TMC8: variants seen among roughly 807,000 people sequenced by gnomAD.
TMC8 encodes the protein transmembrane channel like 8.
TMC8 carries 71 observed loss-of-function variants against 76.0 expected under a neutral mutation model. That is an observed-to-expected ratio of 0.93 (90% CI 0.77 to 1.14). The LOEUF is 1.14. Among genes scored for constraint, TMC8 ranks in the 50% most tolerant of loss-of-function variants. TMC8 has a pLI of 0.00. For missense variants in TMC8, 924 were observed against 947.9 expected, an observed-to-expected ratio of 0.97 and a Z score of 0.33; for synonymous variants, 433 against 433.8, an observed-to-expected ratio of 1.00 and a Z score of 0.02.
In TMC8 at chr17:78,131,430, A is replaced by G. The variant is rs1270988595; in HGVS notation, c.-159A>G. The G allele has an allele frequency of 4.0e-6, 4 of 1,004,686 alleles. No homozygotes were observed. In the East Asian group the frequency reaches 1.0e-4, roughly 26 times the overall value. The allele number at this position is 1,004,686 out of a possible 1,614,324, so 62.2% of individuals were successfully genotyped here. A position where few individuals can be genotyped will look rare whatever the true frequency, so the allele number is the denominator to read the frequency against. ...GGCAAGTGAACCCTAGGGCTGCAGGAGCCCAGGCCCCGACGCCGGCGCAGA... is the reference window on the plus strand; with the variant it reads ...GGCAAGTGAACCCTAGGGCTGCAGGGGCCCAGGCCCCGACGCCGGCGCAGA... On this transcript the variant is annotated 5_prime_UTR_variant, in exon 2 of 16. Coordinates refer to ENST00000318430, the MANE Select transcript of TMC8 (RefSeq NM_152468.5).
intron 9 of TMC8, 124 bp from the exon 10 acceptor site, chr17:78,137,111 T>C: frequency 6.8e-7 from 1 of 1,469,082 alleles, no homozygotes; most frequent in Non-Finnish European, 9.2e-7. Flanking sequence ...CAGAGCAGGT[T>C]GGAAGGAGGC....
chr17:78,140,705 C>A (rs1003579077), intron 15 of TMC8, 129 bp from the exon 16 acceptor site: 3 of 1,287,930 alleles, frequency 2.3e-6, no homozygotes, highest in Non-Finnish European at 3.3e-6. Flanking sequence ...TGGCCTCGGG[C>A]GGGGCGTGGC....
At position 78,134,084 on chromosome 17, in the gene TMC8, TGCGA is replaced by T. The variant is rs2075137939; in HGVS notation, c.816+87_816+90del. On this transcript the variant is annotated intron_variant, in intron 7 of 15. Coordinates refer to ENST00000318430, the MANE Select transcript of TMC8 (RefSeq NM_152468.5). ...GTGAGAGCCACGTGTTCCAGGTGTGTGCGAGCAAGTGCGACCGTGCCAGTGTGTG... is the reference window on the plus strand; with the variant it reads ...GTGAGAGCCACGTGTTCCAGGTGTGTGCAAGTGCGACCGTGCCAGTGTGTG... 5 of 1,583,268 alleles carry T rather than the reference TGCGA, an allele frequency of 3.2e-6. No homozygotes were observed. In the South Asian group the frequency reaches 3.3e-5, roughly 11 times the overall value.
intron 15 of TMC8, among the ~76,000 whole-genome samples, chr17:78,139,728 T>TAAA (rs34917993): frequency 8.6e-4 from 54 of 62,746 alleles, no homozygotes; most frequent in African/African-American, 2.5e-3. Flanking sequence ...CGTCTCTACT[T>TAAA]AAAAAAAAAA....
intron 14 of TMC8, 33 bp from the exon 15 acceptor site, chr17:78,139,129 G>T: frequency 6.2e-7 from 1 of 1,612,672 alleles, no homozygotes. Context: ...TGGCCCCAGG[G>T]GCAACTGACC....
intron 4 of TMC8, 56 bp downstream of exon 4, chr17:78,132,564 G>C: frequency 6.4e-7 from 1 of 1,573,668 alleles, no homozygotes; most frequent in Non-Finnish European, 8.6e-7. Context: ...GCCATGGGGG[G>C]GCTGGCCCAG....
chr17:78,133,961 A>G lies in TMC8; in HGVS notation c.777A>G (p.Ala259=). The G allele has an allele frequency of 3.1e-6, 5 of 1,613,758 alleles. No homozygotes were observed. The highest frequency in any genetic ancestry group is 3.4e-6 in the Non-Finnish European group (4 of 1,180,044). ...SWDFCIRVQE[A]ATIKKHEISN... ...ACTTCTGCATCCGGGTGCAGGAAGC[A>G]GCCACCATCAAGAAGCATGAGATCA... is the stretch of plus-strand genomic sequence containing the variant. Residue 259 remains alanine (A), a synonymous_variant, in exon 7 of 16, where the codon GCA becomes GCG. Coordinates refer to ENST00000318430, the MANE Select transcript of TMC8 (RefSeq NM_152468.5).
chr17:78,139,858 C>A (rs770278939), intron 15 of TMC8, among the ~76,000 whole-genome samples: 6 of 151,624 alleles, frequency 4.0e-5, no homozygotes, highest in Non-Finnish European at 8.8e-5. Flanking sequence ...CATAGTGAAA[C>A]CCCGTCTGTA....
rs1226397114 is a variant in TMC8, at chr17:78,132,436, C to T, written c.376C>T (p.Leu126Phe). The T allele has an allele frequency of 2.5e-6, 4 of 1,612,710 alleles. No homozygotes were observed. In the Admixed American group the frequency reaches 6.7e-5, roughly 27 times the overall value. Residue 126 changes from leucine (L) to phenylalanine (F), a missense_variant, in exon 4 of 16, where the codon CTC becomes TTC. Physicochemically the swap from Leu to Phe is conservative, Grantham distance 22. Coordinates refer to ENST00000318430, the MANE Select transcript of TMC8 (RefSeq NM_152468.5). Reference sequence around the variant, plus strand: ...GCTACTCAACCTGCTGAGCCTGCTGCTCACCGCAAGCTTCGTGCTGCTGCC... The same window carrying T: ...GCTACTCAACCTGCTGAGCCTGCTGTTCACCGCAAGCTTCGTGCTGCTGCC... ...LLLLNLLSLLLTASFVLLPLV... is the reference protein window; with the variant it reads ...LLLLNLLSLLFTASFVLLPLV...
rs1036962980 is a variant in TMC8, at chr17:78,141,998, G to C, written c.*886G>C. ...AGTGGTATGTACGGGCCTGCATCGT[G>C]AGCAGCGGGCGGGGGCCCAGGCAGG... is the stretch of plus-strand genomic sequence containing the variant. On this transcript the variant is annotated 3_prime_UTR_variant, in exon 16 of 16. Coordinates refer to ENST00000318430, the MANE Select transcript of TMC8 (RefSeq NM_152468.5). The C allele has an allele frequency of 2.0e-5, 3 of 152,458 alleles. No homozygotes were observed. In the East Asian group the frequency reaches 5.8e-4, roughly 29 times the overall value. The allele number at this position is 152,458 out of a possible 1,614,324, so 9.4% of individuals were successfully genotyped here. A position where few individuals can be genotyped will look rare whatever the true frequency, so the allele number is the denominator to read the frequency against.
intron 12 of TMC8, 67 bp from the exon 13 acceptor site, chr17:78,138,282 C>A (rs1567804564): frequency 6.2e-7 from 1 of 1,611,944 alleles, no homozygotes; most frequent in East Asian, 2.2e-5. Context: ...GCCCCCTTCC[C>A]TGGGTGTCAG....
Position 78,131,863 on chromosome 17 carries a change from T to A in TMC8, c.150-19T>A. On this transcript the variant is annotated intron_variant, in intron 2 of 15. Coordinates refer to ENST00000318430, the MANE Select transcript of TMC8 (RefSeq NM_152468.5). ...AGGGCGGGTGACTCAGGGGCGCCCC[T>A]GTCACCACCCCCGTCCAGGCAGCTG... 1 of 1,461,430 alleles carries A rather than the reference T, an allele frequency of 6.8e-7. No homozygotes were observed. The highest frequency in any genetic ancestry group is 9.0e-7 in the Non-Finnish European group (1 of 1,112,060). The allele number at this position is 1,461,430 out of a possible 1,614,324, so 90.5% of individuals were successfully genotyped here. A position where few individuals can be genotyped will look rare whatever the true frequency, so the allele number is the denominator to read the frequency against.
intron 3 of TMC8, 93 bp from the exon 4 acceptor site, chr17:78,132,266 C>T: frequency 1.3e-6 from 2 of 1,507,936 alleles, no homozygotes; most frequent in Admixed American, 1.8e-5. Flanking sequence ...CTGGCGGGCA[C>T]CCCACGCCGT....
At chr17:78,139,965 C>T (rs145890334) in intron 15 of TMC8, among the ~76,000 whole-genome samples, 1,765 of 151,952 alleles carry the variant, frequency 0.012, 24 homozygotes, top group African/African-American at 0.04. Flanking sequence ...ACTCAGGAGG[C>T]GGAGGGGCGG....
intron 9 of TMC8, among the ~76,000 whole-genome samples, chr17:78,136,090 C>T (rs1052617805): frequency 1.3e-5 from 2 of 152,092 alleles, no homozygotes; most frequent in Non-Finnish European, 2.9e-5. Flanking sequence ...TCTCACCTAC[C>T]CCTAGCTCCC....
chr17:78,136,293 G>A (rs193122124), intron 9 of TMC8, among the ~76,000 whole-genome samples: 23 of 152,054 alleles, frequency 1.5e-4, no homozygotes, highest in Admixed American at 7.2e-4. Flanking sequence ...GCAAGACCCC[G>A]TCTCTACAAA....
chr17:78,134,260 C>T, intron 7 of TMC8, 134 bp from the exon 8 acceptor site: 1 of 1,166,220 alleles, frequency 8.6e-7, no homozygotes, highest in Non-Finnish European at 1.2e-6. Flanking sequence ...TCTATGGGAG[C>T]ATGACAGTGT....
In TMC8 at chr17:78,132,046, C is replaced by A. The variant is rs1598896221; in HGVS notation, c.298+16C>A. On this transcript the variant is annotated intron_variant, in intron 3 of 15. Coordinates refer to ENST00000318430, the MANE Select transcript of TMC8 (RefSeq NM_152468.5). ...GAGATCGGGGGTAGGACCCGCGCGA[C>A]CCGCACCTCCCCTTGCCCTCTCTGG... 1 of 1,534,656 alleles carries A rather than the reference C, an allele frequency of 6.5e-7. No individual in the cohort carries two copies. Among genetic ancestry groups the A allele is most frequent in the Non-Finnish European group, 8.7e-7 (1 of 1,146,286 alleles).
chr17:78,138,055 A>G lies in TMC8; in HGVS notation c.1400A>G (p.Glu467Gly), dbSNP rs1436901583. The G allele has an allele frequency of 6.2e-7, 1 of 1,613,936 alleles. No individual in the cohort carries two copies. The highest frequency in any genetic ancestry group is 8.5e-7 in the Non-Finnish European group (1 of 1,180,002). Residue 467 changes from glutamate (E) to glycine (G), a missense_variant, in exon 12 of 16, where the codon GAG (glutamate) becomes GGG (glycine). Physicochemically the swap from Glu to Gly is moderately conservative, Grantham distance 98 (BLOSUM62 -2). Coordinates refer to ENST00000318430, the MANE Select transcript of TMC8 (RefSeq NM_152468.5). The stretch of plus-strand genomic sequence containing the variant: ...CGGTTCTGGGCCTGGCTGGAACGGG[A>G]GGAGTTCCTGGTCCCCAAGAATGTG... Reference protein sequence around the residue: ...SGRFWAWLEREEFLVPKNVLD... With the variant: ...SGRFWAWLERGEFLVPKNVLD...
Sources: gnomAD v4.1 joint callset for allele counts (sites outside exome capture counted in the v4.1 genomes callset) on GRCh38, gnomAD v4.1.1 for gene constraint, MANE v1.5 for transcripts, NCBI Gene and HGNC (gene_info 2026-07-23, HGNC 2026-07-21) for gene names.